The following PYGB variants were observed in gnomAD, a reference collection of about 807,000 sequenced individuals.
The protein encoded by PYGB is glycogen phosphorylase, brain form.
PYGB carries 82 observed loss-of-function variants against 94.3 expected under a neutral mutation model. That is an observed-to-expected ratio of 0.87 (90% CI 0.73 to 1.04). The LOEUF (loss-of-function observed/expected upper bound fraction) is 1.04, where lower values mean the gene tolerates loss of function less well. Among genes scored for constraint, PYGB ranks in the 50% least tolerant of loss-of-function variants. The pLI is 0.00. For synonymous variants in PYGB, 488 were observed against 479.1 expected (o/e 1.02, Z -0.24); for missense variants, 1,132 against 1,158.2 (o/e 0.98, Z 0.33).
chr20:25,276,655 G>A lies in PYGB; in HGVS notation c.670G>A (p.Ala224Thr), dbSNP rs113035723. The change falls in exon 6 of 20, where the codon GCC (alanine) becomes ACC (threonine). Residue 224 changes from alanine to threonine, a missense_variant. Ala to Thr is a moderately conservative substitution (Grantham distance 58). Coordinates refer to ENST00000216962, the MANE Select transcript of PYGB (RefSeq NM_002862.4). The part of the protein sequence containing the change: ...VKWLDTQVVL[A>T]MPYDTPVPGY... ...CCCGTTTTGTGGCCAGGTGGTGCTG[G>A]CCATGCCCTACGACACCCCAGTGCC... is the stretch of plus-strand genomic sequence containing the variant. 22 of 1,613,518 alleles carry A rather than the reference G, an allele frequency of 1.4e-5. No individual in the cohort carries two copies. Among genetic ancestry groups the A allele is most frequent in the Non-Finnish European group, 1.7e-5 (20 of 1,179,784 alleles).
intron 2 of PYGB, among the ~76,000 whole-genome samples, chr20:25,261,743 A>G (rs572646845): frequency 6.6e-6 from 1 of 152,314 alleles, no homozygotes; most frequent in African/African-American, 2.4e-5. Context: ...AAAAGATTAG[A>G]CGAATGGCTA....
At chr20:25,291,160 T>A (rs1298731546) in intron 16 of PYGB, among the ~76,000 whole-genome samples, 1 of 152,208 alleles carries the variant, frequency 6.6e-6, no homozygotes, top group East Asian at 1.9e-4. Context: ...CTGCCTGCTC[T>A]TGGGCCCACC....
intron 3 of PYGB, 134 bp from the exon 4 acceptor site, chr20:25,271,249 A>C: frequency 1.3e-6 from 1 of 766,060 alleles, no homozygotes; most frequent in Non-Finnish European, 2.2e-6. Context: ...TGAGGGCTCC[A>C]GTTTTCCTCT....
intron 2 of PYGB, among the ~76,000 whole-genome samples, chr20:25,267,681 C>G (rs1214395841): frequency 6.6e-6 from 1 of 152,146 alleles, no homozygotes; most frequent in African/African-American, 2.4e-5. Flanking sequence ...TAGGCGTGCA[C>G]CACCGTACCC....
At chr20:25,257,338 G>T (rs576922729) in intron 1 of PYGB, among the ~76,000 whole-genome samples, 8 of 152,228 alleles carry the variant, frequency 5.3e-5, no homozygotes, top group Non-Finnish European at 1.0e-4. Context: ...CAGAACCCTC[G>T]ATGTCTGCAT....
intron 3 of PYGB, among the ~76,000 whole-genome samples, chr20:25,270,329 A>G (rs1245619958): frequency 6.6e-6 from 1 of 151,106 alleles, no homozygotes; most frequent in African/African-American, 2.4e-5. Flanking sequence ...AGCCTCCCCA[A>G]GTAGCTGGGA....
intron 4 of PYGB, among the ~76,000 whole-genome samples, chr20:25,273,507 CTTG>C (rs2088284556): frequency 6.6e-6 from 1 of 152,226 alleles, no homozygotes; most frequent in South Asian, 2.1e-4. Context: ...AGAGAAGAGA[CTTG>C]ATCTCATTTC....
chr20:25,257,001 C>G (rs925830754), intron 1 of PYGB, among the ~76,000 whole-genome samples: 4 of 152,156 alleles, frequency 2.6e-5, no homozygotes, highest in African/African-American at 9.7e-5. Flanking sequence ...TGAATGTGGT[C>G]CTCTCAGAGG....
chr20:25,266,281 C>G (rs528546289), intron 2 of PYGB, among the ~76,000 whole-genome samples: 17 of 151,068 alleles, frequency 1.1e-4, no homozygotes, highest in Middle Eastern at 3.4e-3. Flanking sequence ...AAATAGGTAC[C>G]AAAACAATTC....
At chr20:25,256,386 TAAAAA>T (rs796327825) in intron 1 of PYGB, among the ~76,000 whole-genome samples, 1 of 140,610 alleles carries the variant, frequency 7.1e-6, no homozygotes, top group Non-Finnish European at 1.5e-5. Context: ...TAAACTCTGT[TAAAAA>T]AAAAAAAGTG....
intron 5 of PYGB, among the ~76,000 whole-genome samples, chr20:25,275,482 GGA>G (rs1162331199): frequency 6.6e-6 from 1 of 152,250 alleles, no homozygotes; most frequent in Non-Finnish European, 1.5e-5. Flanking sequence ...GGCAATAACA[GGA>G]GAGCCTGGAG....
chr20:25,266,383 A>G (rs990221306), intron 2 of PYGB, among the ~76,000 whole-genome samples: 1 of 152,176 alleles, frequency 6.6e-6, no homozygotes, highest in Admixed American at 6.5e-5. Context: ...CTCACATTAC[A>G]TACAAAAATT....
chr20:25,280,925 C>A, intron 10 of PYGB, 24 bp from the exon 11 acceptor site: 1 of 1,611,590 alleles, frequency 6.2e-7, no homozygotes, highest in Non-Finnish European at 8.5e-7. Flanking sequence ...TGCCCACCCA[C>A]CTGCCTCTGT....
chr20:25,269,122 T>C lies in PYGB; in HGVS notation c.346-7T>C, dbSNP rs2088243649. 6.4e-7 allele frequency: 1 copy of C among 1,561,270 alleles called. No homozygotes were observed. Among genetic ancestry groups the C allele is most frequent in the African/African-American group, 1.4e-5 (1 of 73,776 alleles). On this transcript the variant is annotated splice_region_variant and splice_polypyrimidine_tract_variant and intron_variant, in intron 2 of 19. Coordinates refer to ENST00000216962, the MANE Select transcript of PYGB (RefSeq NM_002862.4). Reference sequence around the variant, plus strand: ...CATTAAAATGCTGCCTGTGTTTTTGTTTGCAGTTGGGGTTAGACTTGGAGG... The same window carrying C: ...CATTAAAATGCTGCCTGTGTTTTTGCTTGCAGTTGGGGTTAGACTTGGAGG...
chr20:25,281,294 G>C (rs970102856), intron 11 of PYGB, among the ~76,000 whole-genome samples, 182 bp downstream of exon 11: 11 of 152,204 alleles, frequency 7.2e-5, no homozygotes, highest in Non-Finnish European at 1.6e-4. Flanking sequence ...CTTGTTGTGC[G>C]TTCACCGACC....
At chr20:25,294,410 TCTC>T in intron 18 of PYGB, 118 bp downstream of exon 18, 1 of 1,294,112 alleles carries the variant, frequency 7.7e-7, no homozygotes, top group Non-Finnish European at 1.1e-6. Flanking sequence ...CAGGACGTCT[TCTC>T]CACTGTGCCC....
In PYGB at chr20:25,284,168, C is replaced by T; in HGVS notation, c.1685C>T (p.Ser562Phe). 5 of 1,614,134 alleles carry T rather than the reference C, an allele frequency of 3.1e-6. No individual in the cohort carries two copies. The highest frequency in any genetic ancestry group is 4.2e-6 in the Non-Finnish European group (5 of 1,179,998). ...TACAAGGTGAAGATCAACCCCTCCT[C>T]CATGTTCGATGTGCATGTGAAGAGG... Reference protein sequence around the residue: ...KEYKVKINPSSMFDVHVKRIH... With the variant: ...KEYKVKINPSFMFDVHVKRIH... The change falls in exon 14 of 20, where the codon TCC becomes TTC. Residue 562 changes from serine to phenylalanine, a missense_variant. Coordinates refer to ENST00000216962, the MANE Select transcript of PYGB (RefSeq NM_002862.4).
intron 1 of PYGB, among the ~76,000 whole-genome samples, chr20:25,253,372 C>G (rs933538839): frequency 6.6e-6 from 1 of 152,180 alleles, no homozygotes; most frequent in Non-Finnish European, 1.5e-5. Flanking sequence ...TAAAATATGG[C>G]CGGGCGTGGT....
intron 17 of PYGB, among the ~76,000 whole-genome samples, chr20:25,292,880 G>T (rs1328895447): frequency 6.6e-6 from 1 of 151,998 alleles, no homozygotes; most frequent in Non-Finnish European, 1.5e-5. Flanking sequence ...GTCCAGACCA[G>T]GGGCTCCTCC....
Sources: allele counts gnomAD v4.1 joint callset (sites outside exome capture counted in the v4.1 genomes callset), GRCh38; gene constraint gnomAD v4.1.1; transcripts MANE v1.5; gene names NCBI Gene and HGNC (gene_info 2026-07-23, HGNC 2026-07-21).